Variants in AKAP6 observed in about 807,000 individuals in gnomAD.
AKAP6 encodes the protein A-kinase anchoring protein 6, also known as A-kinase anchor protein 6.
In AKAP6, 58 loss-of-function variants were observed where a neutral mutation model predicts 188.5. That is an observed-to-expected ratio of 0.31 (90% CI 0.25 to 0.38). The LOEUF (loss-of-function observed/expected upper bound fraction) is 0.38, where lower values mean the gene tolerates loss of function less well. Among genes scored for constraint, AKAP6 ranks in the 10% least tolerant of loss-of-function variants. The pLI is 1.00. For missense variants in AKAP6, 2,710 were observed against 2,740.0 expected (o/e 0.99, Z 0.24); for synonymous variants, 989 against 998.6 (o/e 0.99, Z 0.18).
chr14:32,351,188 TTAAA>T (rs1368177073), intron 1 of AKAP6, among the ~76,000 whole-genome samples: 1 of 152,228 alleles, frequency 6.6e-6, no homozygotes, highest in African/African-American at 2.4e-5. Flanking sequence ...CTTATAGACA[TTAAA>T]TAGTTTTTCA....
At chr14:32,574,264 TG>T (rs1037695011) in intron 4 of AKAP6, among the ~76,000 whole-genome samples, 35 of 152,050 alleles carry the variant, frequency 2.3e-4, no homozygotes, top group Non-Finnish European at 5.9e-5. Context: ...GTTGTGAGGG[TG>T]GGATATAACT....
At chr14:32,665,164 G>T (rs1002840457) in intron 7 of AKAP6, among the ~76,000 whole-genome samples, 1 of 151,964 alleles carries the variant, frequency 6.6e-6, no homozygotes, top group Non-Finnish European at 1.5e-5. Flanking sequence ...CCAACTGAGA[G>T]GCCTCTAATT....
At chr14:32,602,876 C>CAT (rs1280247853) in intron 7 of AKAP6, among the ~76,000 whole-genome samples, 1 of 152,218 alleles carries the variant, frequency 6.6e-6, no homozygotes, top group Non-Finnish European at 1.5e-5. Flanking sequence ...CACCACCTAG[C>CAT]ATACTGCCTT....
chr14:32,708,862 C>T (rs937859404), intron 9 of AKAP6, among the ~76,000 whole-genome samples: 1 of 151,968 alleles, frequency 6.6e-6, no homozygotes, highest in Non-Finnish European at 1.5e-5. Flanking sequence ...TGAAAATATG[C>T]ATGATAAACA....
intron 12 of AKAP6, among the ~76,000 whole-genome samples, chr14:32,792,802 TTTA>T (rs2033650020): frequency 6.6e-6 from 1 of 152,190 alleles, no homozygotes. Context: ...CAATACCTAG[TTTA>T]TTGAGTGTTT....
intron 1 of AKAP6, among the ~76,000 whole-genome samples, chr14:32,390,492 A>C (rs764233453): frequency 6.6e-6 from 1 of 152,128 alleles, no homozygotes; most frequent in Non-Finnish European, 1.5e-5. Flanking sequence ...GTCAGAGGGA[A>C]GGTCTAGGGC....
Position 32,823,733 on chromosome 14 carries a change from AG to A in AKAP6, c.5921del (p.Ser1974ThrfsTer16). The A allele has an allele frequency of 6.2e-7, 1 of 1,613,714 alleles. No individual in the cohort carries two copies. Among genetic ancestry groups the A allele is most frequent in the Non-Finnish European group, 8.5e-7 (1 of 1,179,924 alleles). On this transcript the variant is annotated frameshift_variant, in exon 13 of 14. Transcript: ENST00000280979. LOFTEE classifies it high-confidence loss of function. ...CPNHHHFENQ[S>X]TASTPTEKSF... is the part of the protein sequence containing the mutation. The stretch of plus-strand genomic sequence containing the variant: ...AAATCACCACCATTTTGAAAATCAA[AG>A]CACTGCCTCTACTCCCACTGAGAAG...
At chr14:32,545,185 A>G (rs1388235236) in intron 3 of AKAP6, 45 bp from the exon 4 acceptor site, 2 of 1,546,510 alleles carry the variant, frequency 1.3e-6, no homozygotes, top group Non-Finnish European at 1.8e-6. Flanking sequence ...CTGATGTTGT[A>G]ATTGATGTTG....
chr14:32,570,278 A>T (rs547252164), intron 4 of AKAP6, among the ~76,000 whole-genome samples: 1 of 150,502 alleles, frequency 6.6e-6, no homozygotes, highest in Non-Finnish European at 1.5e-5. Context: ...TTATAGGCAC[A>T]TGCCACCACG....
At chr14:32,459,334 C>G (rs1048589669) in intron 2 of AKAP6, among the ~76,000 whole-genome samples, 4 of 151,846 alleles carry the variant, frequency 2.6e-5, no homozygotes, top group Middle Eastern at 3.4e-3. Flanking sequence ...TGAATATTTG[C>G]CAAACTATAC....
At chr14:32,416,478 CT>C (rs1889661518) in intron 1 of AKAP6, among the ~76,000 whole-genome samples, 1 of 152,140 alleles carries the variant, frequency 6.6e-6, no homozygotes, top group African/African-American at 2.4e-5. Context: ...ATTCTACAGG[CT>C]GTCTTTTTAT....
At chr14:32,435,350 G>T (rs1005374542) in intron 2 of AKAP6, among the ~76,000 whole-genome samples, 1 of 152,116 alleles carries the variant, frequency 6.6e-6, no homozygotes, top group African/African-American at 2.4e-5. Flanking sequence ...GTTGTTAAGG[G>T]CTATTAAAAA....
At chr14:32,813,389 A>ATC (rs2034290908) in intron 12 of AKAP6, among the ~76,000 whole-genome samples, 2 of 65,290 alleles carry the variant, frequency 3.1e-5, no homozygotes, top group African/African-American at 1.3e-4. Context: ...CTCTAACCCT[A>ATC]CCCCCCCCCC....
At chr14:32,713,435 C>T (rs1475807951) in intron 9 of AKAP6, among the ~76,000 whole-genome samples, 1 of 149,338 alleles carries the variant, frequency 6.7e-6, no homozygotes. Flanking sequence ...GACTTCTCCT[C>T]TCTAGCCATG....
At chr14:32,340,035 C>T (rs1165563194) in intron 1 of AKAP6, among the ~76,000 whole-genome samples, 1 of 150,522 alleles carries the variant, frequency 6.6e-6, no homozygotes, top group Non-Finnish European at 1.5e-5. Context: ...TTTAGAATGC[C>T]TTTTTCTTTA....
chr14:32,688,852 G>A (rs4143718), intron 8 of AKAP6, among the ~76,000 whole-genome samples: 52,408 of 151,996 alleles, frequency 0.34, 11,601 homozygotes, highest in African/African-American at 0.61. Context: ...AACTTTTCAT[G>A]TTAATTGTGC....
chr14:32,655,530 A>G (rs1381492577), intron 7 of AKAP6, among the ~76,000 whole-genome samples: 1 of 152,188 alleles, frequency 6.6e-6, no homozygotes, highest in Admixed American at 6.5e-5. Context: ...TAGCAGATAG[A>G]TCTCTGCCAA....
intron 11 of AKAP6, among the ~76,000 whole-genome samples, chr14:32,750,491 G>A (rs1475653851): frequency 1.3e-5 from 2 of 151,942 alleles, no homozygotes; most frequent in African/African-American, 4.8e-5. Flanking sequence ...GGAGACCAAA[G>A]CAGTAGGATC....
At chr14:32,381,580 A>G (rs756497601) in intron 1 of AKAP6, among the ~76,000 whole-genome samples, 1 of 152,198 alleles carries the variant, frequency 6.6e-6, no homozygotes, top group Non-Finnish European at 1.5e-5. Flanking sequence ...GGAAAAGAAA[A>G]ATAAGACTAA....
Sources: gnomAD v4.1 joint callset for allele counts (sites outside exome capture counted in the v4.1 genomes callset) on GRCh38, gnomAD v4.1.1 for gene constraint, MANE v1.5 for transcripts, NCBI Gene and HGNC (gene_info 2026-07-23, HGNC 2026-07-21) for gene names.